The following NCF1 variants were observed in gnomAD, a reference collection of about 807,000 sequenced individuals.
NCF1 encodes neutrophil cytosol factor 1.
A neutral mutation model predicts 34.9 loss-of-function variants in NCF1; 8 were observed. The observed-to-expected ratio is 0.23, with a 90% CI of 0.13 to 0.41. The LOEUF (loss-of-function observed/expected upper bound fraction) is 0.41, where lower values mean the gene tolerates loss of function less well. NCF1 is among the 10% of genes least tolerant of loss of function. NCF1 has a pLI of 1.00. For missense variants in NCF1, 122 were observed against 362.4 expected (o/e 0.34, Z 5.39); for synonymous variants, 57 against 146.3 (o/e 0.39, Z 4.41).
chr7:74,781,828 C>T (rs1460437365), intron 5 of NCF1, among the ~76,000 whole-genome samples: 12 of 140,086 alleles, frequency 8.6e-5, no homozygotes, highest in Admixed American at 2.9e-4. Context: ...CCACTGTGCC[C>T]GGCTTTTTCT....
At chr7:74,787,450 C>T (rs2523335) in intron 8 of NCF1, among the ~76,000 whole-genome samples, 203 of 151,940 alleles carry the variant, frequency 1.3e-3, no homozygotes, top group East Asian at 8.7e-3. Context: ...TGGGGTTGGG[C>T]GGGGGAAAAG....
At chr7:74,777,538 T>C in intron 2 of NCF1, 191 bp downstream of exon 2, 1 of 675,898 alleles carries the variant, frequency 1.5e-6, no homozygotes, top group Non-Finnish European at 2.5e-6. Context: ...GAACACCTCA[T>C]GTTCTCTGAT....
chr7:74,787,726 C>T (rs1339480759), intron 8 of NCF1, among the ~76,000 whole-genome samples: 1 of 133,346 alleles, frequency 7.5e-6, no homozygotes, highest in East Asian at 2.2e-4. Context: ...CCCATTCTTG[C>T]CAATGTCTTA....
intron 1 of NCF1, 35 bp from the exon 2 acceptor site, chr7:74,777,232 C>G: frequency 6.2e-7 from 1 of 1,602,614 alleles, no homozygotes; most frequent in South Asian, 1.1e-5. Flanking sequence ...TCTTTGGAGG[C>G]TGAATGGGGT....
intron 8 of NCF1, among the ~76,000 whole-genome samples, chr7:74,786,981 TAGAA>T (rs1384073737): frequency 1.4e-5 from 2 of 142,540 alleles, no homozygotes; most frequent in Non-Finnish European, 3.1e-5. Context: ...ATATTGAGAA[TAGAA>T]AGAAAGTCTT....
chr7:74,782,992 A>G lies in NCF1; in HGVS notation c.505A>G (p.Lys169Glu), dbSNP rs1383056416. ...QTYRAIANYE[K>E]TSGSEMALST... ...GTACCGCGCCATTGCCAACTACGAG[A>G]AGACCTCGGGCTCCGAGATGGCTCT... Residue 169 changes from lysine to glutamate, a missense_variant, in exon 6 of 11, where the codon AAG becomes GAG. Transcript: ENST00000289473. The G allele has an allele frequency of 6.2e-7, 1 of 1,611,198 alleles. No homozygotes were observed. The highest frequency in any genetic ancestry group is 8.5e-7 in the Non-Finnish European group (1 of 1,179,626).
chr7:74,787,135 C>A lies in NCF1; in HGVS notation c.801-849C>A, dbSNP rs587678620. Among the ~76,000 whole-genome samples the A allele has an allele frequency of 8.5e-4, 129 of 151,234 alleles. 1 individual carries two copies. The highest frequency in any genetic ancestry group is 3.0e-3 in the African/African-American group (123 of 41,180). On this transcript the variant is annotated intron_variant, in intron 8 of 10. Coordinates refer to ENST00000289473, the MANE Select transcript of NCF1 (RefSeq NM_000265.7). ...ATCACAGGTTTATCCCAGAGTAAAACCTGAAACTAAAAACCATTTGGGGCT... is the reference window on the plus strand; with the variant it reads ...ATCACAGGTTTATCCCAGAGTAAAAACTGAAACTAAAAACCATTTGGGGCT...
At chr7:74,775,726 T>TTTTTTC (rs1210239774) in intron 1 of NCF1, among the ~76,000 whole-genome samples, 1 of 61,584 alleles carries the variant, frequency 1.6e-5, no homozygotes, top group Non-Finnish European at 3.0e-5. Context: ...TGGATCAGTC[T>TTTTTTC]TTTTTCTTTT....
intron 8 of NCF1, among the ~76,000 whole-genome samples, chr7:74,787,364 T>G (rs1796692671): frequency 6.6e-6 from 1 of 152,028 alleles, no homozygotes; most frequent in African/African-American, 2.4e-5. Flanking sequence ...TGCTTGAACT[T>G]GGGAAGCAGA....
chr7:74,785,812 G>A (rs1438546576), intron 8 of NCF1, among the ~76,000 whole-genome samples: 1 of 151,032 alleles, frequency 6.6e-6, no homozygotes, highest in Non-Finnish European at 1.5e-5. Context: ...CAACCCGGGA[G>A]GCGGAGGTTG....
intron 8 of NCF1, among the ~76,000 whole-genome samples, chr7:74,787,659 C>T (rs1777641465): frequency 6.7e-6 from 1 of 149,998 alleles, no homozygotes; most frequent in Admixed American, 6.7e-5. Context: ...CTCAAGCGAT[C>T]CTCCCACCTA....
At chr7:74,783,166 G>T (rs782572273) in intron 6 of NCF1, 105 bp downstream of exon 6, 1 of 1,554,042 alleles carries the variant, frequency 6.4e-7, no homozygotes, top group East Asian at 2.4e-5. Context: ...GAGGACTCCG[G>T]CTCTGTTAGG....
In NCF1 at chr7:74,782,011, G is replaced by A. The variant is rs181692881; in HGVS notation, c.452-928G>A. 1.3e-3 allele frequency among the ~76,000 whole-genome samples: 188 copies of A among 149,462 alleles called. 5 individuals carry two copies. The highest frequency in any genetic ancestry group is 4.4e-3 in the African/African-American group (180 of 40,488). On this transcript the variant is annotated intron_variant, in intron 5 of 10. Coordinates refer to ENST00000289473, the MANE Select transcript of NCF1 (RefSeq NM_000265.7). ...ATGAATTTTGAGAAGGCGGATGTCA[G>A]CCAATACTAAACAGCATCAGCACCT... is the stretch of plus-strand genomic sequence containing the variant.
chr7:74,785,435 CAGT>C (rs1212584773), intron 8 of NCF1, 136 bp downstream of exon 8: 1 of 659,360 alleles, frequency 1.5e-6, no homozygotes, highest in African/African-American at 1.8e-5. Context: ...GTTTCCATCT[CAGT>C]AGCAGGGAGG....
chr7:74,783,140 G>T, intron 6 of NCF1, 79 bp downstream of exon 6: 15 of 1,579,014 alleles, frequency 9.5e-6, no homozygotes, highest in Non-Finnish European at 1.3e-5. Flanking sequence ...CAAGGCTCAG[G>T]CAGCCTTGCC....
intron 8 of NCF1, among the ~76,000 whole-genome samples, chr7:74,785,870 C>A (rs1298303522): frequency 8.8e-6 from 1 of 113,268 alleles, no homozygotes; most frequent in African/African-American, 3.7e-5. Flanking sequence ...GCAACGAGAG[C>A]GAAACTCCGT....
chr7:74,786,184 A>G (rs1416220090), intron 8 of NCF1, among the ~76,000 whole-genome samples: 6 of 96,594 alleles, frequency 6.2e-5, no homozygotes, highest in African/African-American at 1.9e-4. Context: ...GCAGTGAGCT[A>G]TGACTGCACC....
rs782232664 is a variant in NCF1 at position 74,783,170 on chromosome 7, T to C, written c.574+109T>C. 2.6e-6 allele frequency: 4 copies of C among 1,550,346 alleles called. No homozygotes were observed. In the South Asian group the frequency reaches 3.5e-5, roughly 14 times the overall value. On this transcript the variant is annotated intron_variant, in intron 6 of 10. Transcript: ENST00000289473. ...CTTGCCCCTGGGAGGACTCCGGCTCTGTTAGGGGCCCTAAATGTCCTCCCC... is the reference window on the plus strand; with the variant it reads ...CTTGCCCCTGGGAGGACTCCGGCTCCGTTAGGGGCCCTAAATGTCCTCCCC...
Position 74,783,147 on chromosome 7 carries a change from T to G in NCF1, c.574+86T>G, listed in dbSNP as rs1330176759. The G allele has an allele frequency of 1.1e-4, 167 of 1,578,260 alleles. 2 individuals carry two copies. Among genetic ancestry groups the G allele is most frequent in the South Asian group, 8.8e-4 (77 of 87,498 alleles). On this transcript the variant is annotated intron_variant, in intron 6 of 10. Coordinates refer to ENST00000289473, the MANE Select transcript of NCF1 (RefSeq NM_000265.7). ...CCCCCTGCCAAGGCTCAGGCAGCCT[T>G]GCCCCTGGGAGGACTCCGGCTCTGT...
Sources: allele counts gnomAD v4.1 joint callset (sites outside exome capture counted in the v4.1 genomes callset), GRCh38; gene constraint gnomAD v4.1.1; transcripts MANE v1.5; gene names NCBI Gene and HGNC (gene_info 2026-07-23, HGNC 2026-07-21).